Variants in PROM1 observed in about 807,000 individuals in gnomAD.
PROM1 encodes prominin-1.
In PROM1, 105 loss-of-function variants were observed where a neutral mutation model predicts 116.9. The ratio of observed to expected loss-of-function variants is 0.90; its 90% CI spans 0.77 to 1.06. PROM1 has a LOEUF of 1.06. PROM1 is among the 50% of genes least tolerant of loss of function. The probability of loss-of-function intolerance (pLI) is 0.00; values close to 1 mark genes in which losing one functional copy is unlikely to be tolerated. For missense variants in PROM1, 1,122 were observed against 1,045.2 expected (o/e 1.07, Z -1.01); for synonymous variants, 393 against 387.0 (o/e 1.02, Z -0.18).
intron 18 of PROM1, among the ~76,000 whole-genome samples, chr4:15,990,903 C>A (rs964047273): frequency 6.6e-6 from 1 of 152,234 alleles, no homozygotes; most frequent in East Asian, 1.9e-4. Flanking sequence ...TAGGCTGCTA[C>A]TTTCTGCACA....
At chr4:16,064,280 T>A (rs921240684) in intron 2 of PROM1, among the ~76,000 whole-genome samples, 4 of 152,186 alleles carry the variant, frequency 2.6e-5, no homozygotes, top group Non-Finnish European at 5.9e-5. Context: ...TAGAATAGTA[T>A]ACAACAATGA....
At chr4:16,069,491 G>GTCATTTTAAAAGCA (rs1288709024) in intron 2 of PROM1, among the ~76,000 whole-genome samples, 18 of 152,212 alleles carry the variant, frequency 1.2e-4, no homozygotes, top group Admixed American at 3.9e-4. Context: ...CTAACCCATG[G>GTCATTTTAAAAGCA]TCATTTTAAA....
chr4:16,083,924 G>A (rs888488476), intron 1 of PROM1, 54 bp downstream of exon 1: 3 of 152,206 alleles, frequency 2.0e-5, no homozygotes, highest in African/African-American at 7.2e-5. Flanking sequence ...TGTCCCGGAC[G>A]GGGACCTAGG....
intron 2 of PROM1, among the ~76,000 whole-genome samples, chr4:16,073,749 G>T (rs1743332086): frequency 6.6e-6 from 1 of 152,202 alleles, no homozygotes; most frequent in Non-Finnish European, 1.5e-5. Context: ...CAATTCTTCA[G>T]TTCCCTCCTT....
At chr4:16,060,494 T>C (rs1474756989) in intron 2 of PROM1, among the ~76,000 whole-genome samples, 3 of 152,118 alleles carry the variant, frequency 2.0e-5, no homozygotes, top group Admixed American at 6.5e-5. Context: ...TTGCATTTTT[T>C]TGTAGAGATG....
intron 2 of PROM1, among the ~76,000 whole-genome samples, chr4:16,045,573 G>A (rs1048725213): frequency 6.6e-6 from 1 of 152,116 alleles, no homozygotes; most frequent in Non-Finnish European, 1.5e-5. Flanking sequence ...TTCTAGCTAC[G>A]TGCCTCCTCT....
chr4:16,050,979 T>G (rs1210394082), intron 2 of PROM1, among the ~76,000 whole-genome samples: 1 of 152,178 alleles, frequency 6.6e-6, no homozygotes, highest in Non-Finnish European at 1.5e-5. Flanking sequence ...GGAAGACAGA[T>G]AGTAAACAAA....
At chr4:16,043,211 A>T (rs1735744681) in intron 2 of PROM1, among the ~76,000 whole-genome samples, 1 of 152,228 alleles carries the variant, frequency 6.6e-6, no homozygotes, top group African/African-American at 2.4e-5. Context: ...CAAGTAACAT[A>T]TCCACCCAAC....
chr4:16,038,888 G>A, intron 3 of PROM1, 58 bp downstream of exon 3: 1 of 1,418,334 alleles, frequency 7.1e-7, no homozygotes, highest in South Asian at 1.6e-5. Context: ...TTTCAAGTCA[G>A]CCAAAATTTT....
At chr4:16,005,781 G>A (rs752925587) in intron 13 of PROM1, among the ~76,000 whole-genome samples, 1 of 152,112 alleles carries the variant, frequency 6.6e-6, no homozygotes, top group Non-Finnish European at 1.5e-5. Flanking sequence ...ATCAAAAAGA[G>A]AATATTGACT....
intron 22 of PROM1, chr4:15,985,523 G>T (rs570821471): frequency 5.0e-5 from 24 of 482,184 alleles, no homozygotes; most frequent in Non-Finnish European, 7.6e-5. Context: ...GAAAAAGGGG[G>T]TGGGAAGCAA....
At chr4:15,974,277 T>C (rs939075678) in intron 26 of PROM1, among the ~76,000 whole-genome samples, 2 of 152,092 alleles carry the variant, frequency 1.3e-5, no homozygotes, top group East Asian at 1.9e-4. Flanking sequence ...CTCCGCAGAC[T>C]GTGGGAGACA....
intron 2 of PROM1, among the ~76,000 whole-genome samples, chr4:16,050,254 G>C (rs1446339219): frequency 1.3e-5 from 2 of 149,626 alleles, no homozygotes; most frequent in African/African-American, 2.5e-5. Context: ...GAGCAAGACT[G>C]TCTCAAAAAA....
chr4:16,048,510 C>T (rs181182982), intron 2 of PROM1, among the ~76,000 whole-genome samples: 37 of 152,272 alleles, frequency 2.4e-4, no homozygotes, highest in African/African-American at 8.4e-4. Flanking sequence ...ATTTATCAGA[C>T]GTGTCGAATG....
At chr4:16,056,434 C>T (rs2149490706) in intron 2 of PROM1, among the ~76,000 whole-genome samples, 1 of 152,208 alleles carries the variant, frequency 6.6e-6, no homozygotes, top group South Asian at 2.1e-4. Context: ...GGCACCACTC[C>T]AGATTCTGGG....
chr4:15,980,342 A>G lies in PROM1; in HGVS notation c.2489+80T>C, dbSNP rs1014666024. 2.1e-5 allele frequency: 20 copies of G among 943,286 alleles called. No individual in the cohort carries two copies. In the Admixed American group the frequency reaches 4.4e-4, roughly 21 times the overall value. 58.4% of individuals were successfully genotyped at this position (943,286 alleles called of 1,614,324 possible). On this transcript the variant is annotated intron_variant, in intron 24 of 27. Transcript: ENST00000447510. ...AAAAGAAATCAACTTTAACCTCATC[A>G]GAACTCATCTTTAGCAACTCTTTGA...
rs1713611332 is a variant in PROM1, at chr4:15,968,479, A to T, written c.*914T>A. The T allele has an allele frequency of 6.6e-6, 1 of 152,248 alleles. No homozygotes were observed. Among genetic ancestry groups the T allele is most frequent in the Non-Finnish European group, 1.5e-5 (1 of 68,044 alleles). The allele number at this position is 152,248 out of a possible 1,614,324, so 9.4% of individuals were successfully genotyped here. On this transcript the variant is annotated 3_prime_UTR_variant, in exon 28 of 28. Coordinates refer to ENST00000447510, the MANE Select transcript of PROM1 (RefSeq NM_006017.3). ...AGGTTTCATCCATGCTGGACACCAG[A>T]TCTAAGAATTGTGACAGGATCTTCT...
At chr4:16,036,921 T>G (rs564258208) in intron 3 of PROM1, among the ~76,000 whole-genome samples, 1 of 152,182 alleles carries the variant, frequency 6.6e-6, no homozygotes, top group Admixed American at 6.5e-5. Context: ...GTGGGCTCAG[T>G]TCTGCATCTT....
intron 26 of PROM1, among the ~76,000 whole-genome samples, chr4:15,973,792 T>C (rs779846503): frequency 2.6e-5 from 4 of 152,118 alleles, no homozygotes; most frequent in Non-Finnish European, 5.9e-5. Context: ...ATAGGAGAAA[T>C]AGCTCAAATC....
Sources: allele counts gnomAD v4.1 joint callset (sites outside exome capture counted in the v4.1 genomes callset), GRCh38; gene constraint gnomAD v4.1.1; transcripts MANE v1.5; gene names NCBI Gene and HGNC (gene_info 2026-07-23, HGNC 2026-07-21).